Variants in PCDHA5 observed in about 807,000 individuals in gnomAD.
The protein encoded by PCDHA5 is protocadherin alpha-5.
In PCDHA5, 43 loss-of-function variants were observed where a neutral mutation model predicts 61.6. That is an observed-to-expected ratio of 0.70 (90% CI 0.55 to 0.90). The LOEUF (loss-of-function observed/expected upper bound fraction) is 0.90. Ranked by LOEUF, PCDHA5 falls within the 40% of genes least tolerant of loss-of-function variation. PCDHA5 has a pLI of 0.00. For synonymous variants in PCDHA5, 627 were observed against 543.9 expected (o/e 1.15, Z -2.13); for missense variants, 1,298 against 1,222.7 (o/e 1.06, Z -0.92).
chr5:140,889,856 G>GT (rs1471217688), intron 1 of PCDHA5, among the ~76,000 whole-genome samples: 17 of 152,122 alleles, frequency 1.1e-4, no homozygotes, highest in African/African-American at 4.1e-4. Context: ...GAGAATATTT[G>GT]TTTTGGGGGA....
At chr5:140,913,862 T>G (rs1554196081) in intron 1 of PCDHA5, among the ~76,000 whole-genome samples, 1 of 152,218 alleles carries the variant, frequency 6.6e-6, no homozygotes, top group African/African-American at 2.4e-5. Flanking sequence ...GCATATTGTT[T>G]AATTTCCATG....
At chr5:140,987,007 A>T (rs2097221901) in intron 3 of PCDHA5, among the ~76,000 whole-genome samples, 1 of 152,144 alleles carries the variant, frequency 6.6e-6, no homozygotes, top group Non-Finnish European at 1.5e-5. Context: ...TGAGGTCATG[A>T]GTTCGAGACC....
At position 140,877,008 on chromosome 5, in the gene PCDHA5, G is replaced by A. The variant is rs368922456; in HGVS notation, c.2352+52881G>A. On this transcript the variant is annotated intron_variant, in intron 1 of 3. Coordinates refer to ENST00000529859, the MANE Select transcript of PCDHA5 (RefSeq NM_018908.3). Reference sequence around the variant, plus strand: ...TGTCGAGCTACGTGTCGGTGCACGCGGAGAGCGGCAAGGTGTACGCGCTGC... The same window carrying A: ...TGTCGAGCTACGTGTCGGTGCACGCAGAGAGCGGCAAGGTGTACGCGCTGC... 82 of 1,612,526 alleles carry A rather than the reference G, an allele frequency of 5.1e-5. No homozygotes were observed. The African/African-American group carries it at 9.3e-4, about 18-fold the overall frequency.
intron 2 of PCDHA5, among the ~76,000 whole-genome samples, chr5:140,979,246 C>A (rs944063929): frequency 2.0e-5 from 3 of 152,206 alleles, no homozygotes; most frequent in African/African-American, 7.2e-5. Context: ...AAACAGGCTG[C>A]TATGTATTTT....
chr5:140,969,783 A>G (rs1293806015), intron 1 of PCDHA5, among the ~76,000 whole-genome samples: 1 of 152,228 alleles, frequency 6.6e-6, no homozygotes, highest in Non-Finnish European at 1.5e-5. Context: ...GGGCTATCAT[A>G]GTCACCACTA....
At chr5:140,968,639 GC>G in intron 1 of PCDHA5, 1 of 1,614,150 alleles carries the variant, frequency 6.2e-7, no homozygotes, top group Non-Finnish European at 8.5e-7. Context: ...TTACCATCTA[GC>G]CCAGACTTCT....
At chr5:140,863,216 C>A (rs781920741) in intron 1 of PCDHA5, 5 of 1,084,226 alleles carry the variant, frequency 4.6e-6, no homozygotes, top group African/African-American at 1.6e-5. Context: ...AGCAGCCAAG[C>A]GAGGAAGGTC....
At chr5:141,006,033 G>A (rs1162099125) in intron 3 of PCDHA5, among the ~76,000 whole-genome samples, 1 of 151,252 alleles carries the variant, frequency 6.6e-6, no homozygotes, top group Non-Finnish European at 1.5e-5. Context: ...TAGTAAGAGG[G>A]AGATTTGTAG....
chr5:140,829,044 T>A, intron 1 of PCDHA5: 13 of 1,613,140 alleles, frequency 8.1e-6, no homozygotes, highest in Non-Finnish European at 1.1e-5. Context: ...TTATACAAAA[T>A]CCTCATTGAC....
intron 1 of PCDHA5, chr5:140,850,435 T>G: frequency 1.3e-6 from 2 of 1,597,644 alleles, no homozygotes; most frequent in Middle Eastern, 1.7e-4. Flanking sequence ...CGCCAGCGCC[T>G]ACTGGTGCTG....
At chr5:140,877,489 G>C (rs782165291) in intron 1 of PCDHA5, 3 of 1,613,844 alleles carry the variant, frequency 1.9e-6, no homozygotes, top group Non-Finnish European at 1.7e-6. Context: ...GGTGGAGAAC[G>C]GCCAGGCCCC....
chr5:140,965,035 C>T (rs978573637), intron 1 of PCDHA5, among the ~76,000 whole-genome samples: 6 of 152,108 alleles, frequency 3.9e-5, no homozygotes, highest in Non-Finnish European at 5.9e-5. Context: ...TTTAACTGTC[C>T]GCTCTAGGAG....
rs1305370888 is a variant in PCDHA5, at chr5:140,852,030, T to C, written c.2352+27903T>C. 9.7e-5 allele frequency: 91 copies of C among 938,230 alleles called. 9 individuals are homozygous for C. The highest frequency in any genetic ancestry group is 9.0e-5 in the Non-Finnish European group (70 of 773,886). The allele number at this position is 938,230 out of a possible 1,614,324, so 58.1% of individuals were successfully genotyped here. A position where few individuals can be genotyped will look rare whatever the true frequency, so the allele number is the denominator to read the frequency against. On this transcript the variant is annotated intron_variant, in intron 1 of 3. Coordinates refer to ENST00000529859, the MANE Select transcript of PCDHA5 (RefSeq NM_018908.3). ...TTTATAGTTTTAAAAACTTCGCTTATTGAGTTTTTGTTATGTGGTTTATAT... is the reference window on the plus strand; with the variant it reads ...TTTATAGTTTTAAAAACTTCGCTTACTGAGTTTTTGTTATGTGGTTTATAT...
chr5:140,878,033 A>G, intron 1 of PCDHA5: 2 of 574,166 alleles, frequency 3.5e-6, no homozygotes, highest in Non-Finnish European at 5.4e-6. Context: ...TGTAGGTACA[A>G]TGGAGGCCAT....
rs2150119686 is a variant in PCDHA5, at chr5:140,822,822, G to A, written c.1047G>A (p.Met349Ile). ...LLDVNDNTPE[M>I]AITTLFLPVK... ...ATGTGAATGATAATACCCCAGAGAT[G>A]GCCATAACCACCCTTTTCCTGCCTG... Residue 349 changes from methionine (M) to isoleucine (I), a missense_variant, in exon 1 of 4, where the codon ATG (methionine) becomes ATA (isoleucine). By Grantham distance (10) the Met-to-Ile change is conservative. Coordinates refer to ENST00000529859, the MANE Select transcript of PCDHA5 (RefSeq NM_018908.3). 1.2e-6 allele frequency: 2 copies of A among 1,614,028 alleles called. No individual in the cohort carries two copies. Among genetic ancestry groups the A allele is most frequent in the African/African-American group, 1.3e-5 (1 of 74,930 alleles).
intron 1 of PCDHA5, among the ~76,000 whole-genome samples, chr5:140,954,774 A>G (rs1396315075): frequency 1.3e-5 from 2 of 152,120 alleles, no homozygotes; most frequent in Admixed American, 1.3e-4. Flanking sequence ...TCTTTAATTT[A>G]ATTAGATCTC....
intron 1 of PCDHA5, among the ~76,000 whole-genome samples, chr5:140,925,071 C>T (rs1554202476): frequency 6.8e-6 from 1 of 148,058 alleles, no homozygotes; most frequent in Non-Finnish European, 1.5e-5. Context: ...CAAAGCAACA[C>T]GCTCATCTGG....
intron 1 of PCDHA5, chr5:140,869,081 T>C: frequency 6.3e-7 from 1 of 1,581,722 alleles, no homozygotes; most frequent in Non-Finnish European, 8.6e-7. Flanking sequence ...AGAAGCTTAT[T>C]TTGGAAGCCA....
chr5:140,833,593 A>G (rs1772535253), intron 1 of PCDHA5, among the ~76,000 whole-genome samples: 1 of 152,252 alleles, frequency 6.6e-6, no homozygotes, highest in South Asian at 2.1e-4. Context: ...CAGTATATAT[A>G]GATTCTGCTA....
Sources: gnomAD v4.1 joint callset for allele counts (sites outside exome capture counted in the v4.1 genomes callset) on GRCh38, gnomAD v4.1.1 for gene constraint, MANE v1.5 for transcripts, NCBI Gene and HGNC (gene_info 2026-07-23, HGNC 2026-07-21) for gene names.